NHSL2: variants seen among roughly 807,000 people sequenced by gnomAD.
NHSL2 encodes NHS-like protein 2.
A neutral mutation model predicts 53.4 loss-of-function variants in NHSL2; 27 were observed. The observed-to-expected ratio is 0.51, with a 90% CI of 0.37 to 0.70. The LOEUF (loss-of-function observed/expected upper bound fraction) is 0.70, where lower values mean the gene tolerates loss of function less well. NHSL2 is among the 30% of genes least tolerant of loss of function. The probability of loss-of-function intolerance (pLI) is 0.00; values close to 1 mark genes in which losing one functional copy is unlikely to be tolerated. For missense variants in NHSL2, 892 were observed against 980.1 expected (o/e 0.91, Z 1.20); for synonymous variants, 408 against 404.1 (o/e 1.01, Z -0.12).
rs193190797 is a variant in NHSL2, at chrX:71,935,212, T to G, written c.280+23845T>G. Among the ~76,000 whole-genome samples, 161 of 111,975 alleles carry G rather than the reference T, an allele frequency of 1.4e-3. No individual in the cohort carries two copies. In the South Asian group the frequency reaches 0.018, roughly 12 times the overall value. On this transcript the variant is annotated intron_variant, in intron 1 of 7. Transcript: ENST00000633930. ...TCTTATACAAATCTTTTGCTAATGATTCTCAGTTTAAAAACAACAACCATG... is the reference window on the plus strand; with the variant it reads ...TCTTATACAAATCTTTTGCTAATGAGTCTCAGTTTAAAAACAACAACCATG...
rs2042515139 is a variant in NHSL2 at position 72,151,721 on chromosome X, C to T, written c.*8147C>T. ...TTCTCTTACTTATTTTGTTCCATAA[C>T]TTCTCCCTCATATCTGTGGTTGGAG... On this transcript the variant is annotated 3_prime_UTR_variant, in exon 8 of 8. Coordinates refer to ENST00000633930, the MANE Select transcript of NHSL2 (RefSeq NM_001013627.3). 8.9e-6 allele frequency: 1 copy of T among 111,851 alleles called. No homozygotes were observed. 9.2% of individuals were successfully genotyped at this position (111,851 alleles called of 1,213,427 possible). A position where few individuals can be genotyped will look rare whatever the true frequency, so the allele number is the denominator to read the frequency against.
intron 1 of NHSL2, among the ~76,000 whole-genome samples, chrX:72,062,174 C>T (rs2042402893): frequency 8.9e-6 from 1 of 112,087 alleles, no homozygotes; most frequent in Non-Finnish European, 1.9e-5. Context: ...ATGTTTGTTA[C>T]TTTCTTTTTG....
chrX:72,138,938 C>G lies in NHSL2; in HGVS notation c.1390C>G (p.Gln464Glu). The G allele has an allele frequency of 8.3e-7, 1 of 1,207,985 alleles. No individual in the cohort carries two copies. The change falls in exon 6 of 8, where the codon CAA (glutamine) becomes GAA (glutamate). Residue 464 changes from glutamine (Q) to glutamate (E), a missense_variant. Physicochemically the swap from Gln to Glu is conservative, Grantham distance 29. Transcript: ENST00000633930. The part of the protein sequence containing the change: ...SAGYPERLIQ[Q>E]RHMPERPSKI... The stretch of plus-strand genomic sequence containing the variant: ...TGGCTACCCTGAGCGCCTTATTCAG[C>G]AAAGGCACATGCCCGAAAGACCCTC...
At chrX:71,924,506 C>A (rs1055451545) in intron 1 of NHSL2, among the ~76,000 whole-genome samples, 8 of 111,758 alleles carry the variant, frequency 7.2e-5, no homozygotes, top group Non-Finnish European at 1.5e-4. Context: ...TGACCCTCTT[C>A]TTTAGAACTT....
chrX:71,917,335 G>A (rs1258365710), intron 1 of NHSL2, among the ~76,000 whole-genome samples: 1 of 98,615 alleles, frequency 1.0e-5, no homozygotes, highest in East Asian at 3.4e-4. Flanking sequence ...TAAAATGTAA[G>A]CTCCTCAATA....
intron 1 of NHSL2, among the ~76,000 whole-genome samples, chrX:72,109,751 G>A (rs1488101251): frequency 8.9e-6 from 1 of 111,786 alleles, no homozygotes; most frequent in East Asian, 2.8e-4. Context: ...ACAGGCATGA[G>A]CCACCTCACC....
Position 72,144,677 on chromosome X carries a change from G to A in NHSL2, c.*1103G>A. On this transcript the variant is annotated 3_prime_UTR_variant, in exon 8 of 8. Transcript: ENST00000633930. ...GGATCTATCCAAAATCTAAAAGGCA[G>A]TCTTGCCAGTTGCTATGGCCCATAA... 1 of 429,766 alleles carries A rather than the reference G, an allele frequency of 2.3e-6. No homozygotes were observed. Among genetic ancestry groups the A allele is most frequent in the East Asian group, 7.9e-5 (1 of 12,689 alleles). 35.4% of individuals were successfully genotyped at this position (429,766 alleles called of 1,213,427 possible). A position where few individuals can be genotyped will look rare whatever the true frequency, so the allele number is the denominator to read the frequency against.
At chrX:72,104,026 A>G (rs766700636) in intron 1 of NHSL2, among the ~76,000 whole-genome samples, 3 of 113,194 alleles carry the variant, frequency 2.7e-5, no homozygotes, top group Non-Finnish European at 3.7e-5. Flanking sequence ...ATTTACTTAA[A>G]TGAGAAAAAA....
chrX:72,114,685 C>G (rs1210935288), intron 1 of NHSL2, among the ~76,000 whole-genome samples: 4 of 112,462 alleles, frequency 3.6e-5, no homozygotes, highest in Non-Finnish European at 7.5e-5. Context: ...TGACATTGGA[C>G]AAAGTAATCC....
At chrX:72,011,752 G>C (rs746729467) in intron 1 of NHSL2, among the ~76,000 whole-genome samples, 41 of 111,999 alleles carry the variant, frequency 3.7e-4, no homozygotes, top group Non-Finnish European at 6.4e-4. Flanking sequence ...GAGGATTCCA[G>C]TTTCTTGGCA....
intron 1 of NHSL2, among the ~76,000 whole-genome samples, chrX:72,058,567 T>C (rs766211771): frequency 1.2e-3 from 132 of 111,988 alleles, no homozygotes; most frequent in Middle Eastern, 4.6e-3. Flanking sequence ...ATGGTCTCGA[T>C]CTATTGACCT....
In NHSL2 at chrX:72,094,355, T is replaced by C. The variant is rs540875558; in HGVS notation, c.281-37724T>C. ...AGAACATACAACCCATACTGTATAGTTTATTGTTTATGAGCACATACATAG... is the reference window on the plus strand; with the variant it reads ...AGAACATACAACCCATACTGTATAGCTTATTGTTTATGAGCACATACATAG... On this transcript the variant is annotated intron_variant, in intron 1 of 7. Transcript: ENST00000633930. Among the ~76,000 whole-genome samples, 13 of 111,859 alleles carry C rather than the reference T, an allele frequency of 1.2e-4. No individual in the cohort carries two copies. In the South Asian group the frequency reaches 4.8e-3, roughly 42 times the overall value.
intron 1 of NHSL2, among the ~76,000 whole-genome samples, chrX:71,971,499 T>C (rs1439224178): frequency 8.9e-6 from 1 of 112,123 alleles, no homozygotes; most frequent in East Asian, 2.8e-4. Context: ...TCTCTTCATT[T>C]GTTCCTGTGG....
At chrX:71,914,630 T>C (rs2041619593) in intron 1 of NHSL2, among the ~76,000 whole-genome samples, 1 of 112,360 alleles carries the variant, frequency 8.9e-6, no homozygotes, top group Non-Finnish European at 1.9e-5. Context: ...TCCTACTTCT[T>C]GATTTTCCAA....
chrX:72,116,048 A>G (rs993701001), intron 1 of NHSL2, among the ~76,000 whole-genome samples: 4 of 111,455 alleles, frequency 3.6e-5, no homozygotes, highest in African/African-American at 1.3e-4. Flanking sequence ...TATGAGTGCA[A>G]ACTCTAGTAC....
rs1450858090 is a variant in NHSL2 at position 72,137,211 on chromosome X, C to T, written c.878C>T (p.Ser293Phe). 27 of 1,166,532 alleles carry T rather than the reference C, an allele frequency of 2.3e-5. No homozygotes were observed. The highest frequency in any genetic ancestry group is 3.1e-5 in the Non-Finnish European group (27 of 872,058). ...ACCATTATTGGATTCTCTAACTTTT[C>T]CCAGCGAGACCAAGGTGACCCCACC... ...RRTIIGFSNFSQRDQGHSNSP... is the reference protein window; with the variant it reads ...RRTIIGFSNFFQRDQGHSNSP... The change falls in exon 5 of 8, where the codon TCC (serine) becomes TTC (phenylalanine). Residue 293 changes from serine to phenylalanine, a missense_variant. Transcript: ENST00000633930.
intron 1 of NHSL2, among the ~76,000 whole-genome samples, chrX:71,973,797 C>A (rs927957509): frequency 9.0e-6 from 1 of 111,610 alleles, no homozygotes. Flanking sequence ...AGAAGGAAGC[C>A]CAGTCCTCTT....
intron 1 of NHSL2, among the ~76,000 whole-genome samples, chrX:72,124,548 C>T (rs988669459): frequency 5.4e-5 from 6 of 111,811 alleles, no homozygotes; most frequent in African/African-American, 2.0e-4. Flanking sequence ...CTGCTCTAGG[C>T]TGGGCTGTGT....
At position 72,147,678 on chromosome X, in the gene NHSL2, C is replaced by T. The variant is rs1198738656; in HGVS notation, c.*4104C>T. The stretch of plus-strand genomic sequence containing the variant: ...AAGAGTGACTGAGTTGACGGTCTGT[C>T]ACCAGGATCCTCCCTCTCCTCTTTC... On this transcript the variant is annotated 3_prime_UTR_variant, in exon 8 of 8. Coordinates refer to ENST00000633930, the MANE Select transcript of NHSL2 (RefSeq NM_001013627.3). The T allele has an allele frequency of 8.9e-6, 1 of 111,923 alleles. No homozygotes were observed. Among genetic ancestry groups the T allele is most frequent in the Non-Finnish European group, 1.9e-5 (1 of 53,215 alleles). 9.2% of individuals were successfully genotyped at this position (111,923 alleles called of 1,213,427 possible).
Sources: allele counts gnomAD v4.1 joint callset (sites outside exome capture counted in the v4.1 genomes callset), GRCh38; gene constraint gnomAD v4.1.1; transcripts MANE v1.5; gene names NCBI Gene and HGNC (gene_info 2026-07-23, HGNC 2026-07-21).